NTM: variants seen among roughly 807,000 people sequenced by gnomAD.
NTM encodes the protein neurotrimin.
A neutral mutation model predicts 42.1 loss-of-function variants in NTM; 13 were observed. The observed-to-expected ratio is 0.31, with a 90% CI of 0.20 to 0.49. The LOEUF (loss-of-function observed/expected upper bound fraction) is 0.49. Ranked by LOEUF, NTM falls within the 20% of genes least tolerant of loss-of-function variation. NTM has a pLI of 0.99. For missense variants in NTM, 373 were observed against 452.8 expected, an observed-to-expected ratio of 0.82 and a Z score of 1.60; for synonymous variants, 187 against 179.2, an observed-to-expected ratio of 1.04 and a Z score of -0.35.
intron 2 of NTM, among the ~76,000 whole-genome samples, chr11:132,047,082 G>T (rs1256516799): frequency 2.6e-5 from 4 of 152,148 alleles, no homozygotes; most frequent in Admixed American, 2.6e-4. Context: ...ACACAGATCT[G>T]GGATTGGAAT....
intron 1 of NTM, among the ~76,000 whole-genome samples, chr11:131,641,424 C>T (rs2065115701): frequency 6.6e-6 from 1 of 152,200 alleles, no homozygotes; most frequent in Non-Finnish European, 1.5e-5. Flanking sequence ...GGGATCGTCT[C>T]TGGTTGCAGC....
At chr11:131,720,291 GC>G (rs2078180996) in intron 1 of NTM, among the ~76,000 whole-genome samples, 1 of 152,170 alleles carries the variant, frequency 6.6e-6, no homozygotes, top group South Asian at 2.1e-4. Context: ...AAAGCCATAT[GC>G]CTTGATAGAT....
At chr11:132,292,626 A>G (rs956001498) in intron 4 of NTM, among the ~76,000 whole-genome samples, 7 of 151,882 alleles carry the variant, frequency 4.6e-5, no homozygotes, top group African/African-American at 1.7e-4. Flanking sequence ...TGATGTTCCT[A>G]CAGCAGACAC....
At chr11:131,681,613 G>A (rs573179567) in intron 1 of NTM, among the ~76,000 whole-genome samples, 1 of 28,106 alleles carries the variant, frequency 3.6e-5, no homozygotes, top group African/African-American at 6.9e-5. Context: ...GTGTCTGTGC[G>A]TATGTCTCCC....
chr11:131,500,072 C>A (rs374196848), intron 1 of NTM, among the ~76,000 whole-genome samples: 37 of 152,212 alleles, frequency 2.4e-4, no homozygotes, highest in African/African-American at 8.4e-4. Flanking sequence ...AGGTCTCAGG[C>A]TGTATGGACC....
chr11:132,303,891 C>A (rs1053296957), intron 4 of NTM, among the ~76,000 whole-genome samples: 1 of 152,060 alleles, frequency 6.6e-6, no homozygotes, highest in African/African-American at 2.4e-5. Flanking sequence ...CCACTGCACT[C>A]CACGTGTTGT....
intron 1 of NTM, among the ~76,000 whole-genome samples, chr11:131,452,823 G>T (rs1303563415): frequency 1.3e-5 from 2 of 152,140 alleles, no homozygotes; most frequent in Non-Finnish European, 2.9e-5. Flanking sequence ...CTTTGGGTGG[G>T]ATTTTTATCG....
intron 2 of NTM, among the ~76,000 whole-genome samples, chr11:132,075,116 A>G (rs1357576979): frequency 1.3e-5 from 2 of 152,182 alleles, no homozygotes; most frequent in African/African-American, 4.8e-5. Flanking sequence ...GATTCCACTG[A>G]TGTGAGATAT....
At chr11:131,774,195 T>TAAAGGC in intron 1 of NTM, 1 of 823,290 alleles carries the variant, frequency 1.2e-6, no homozygotes, top group Non-Finnish European at 1.5e-6. Context: ...TCCATAGCCT[T>TAAAGGC]TATGAGGCTT....
intron 1 of NTM, among the ~76,000 whole-genome samples, chr11:131,483,537 A>T (rs184986412): frequency 1.3e-5 from 2 of 152,348 alleles, no homozygotes; most frequent in Admixed American, 1.3e-4. Flanking sequence ...AGAGACACTG[A>T]AAGTGGAAAT....
chr11:132,259,417 C>T (rs552975708), intron 4 of NTM, among the ~76,000 whole-genome samples: 12 of 152,028 alleles, frequency 7.9e-5, no homozygotes, highest in Admixed American at 2.6e-4. Context: ...CTTGGTGGCT[C>T]GTGCCTGTAA....
chr11:131,834,988 A>G (rs2043304062), intron 1 of NTM, among the ~76,000 whole-genome samples: 1 of 152,178 alleles, frequency 6.6e-6, no homozygotes, highest in Non-Finnish European at 1.5e-5. Context: ...TTCAACAAAC[A>G]GCTTTAACAT....
intron 1 of NTM, among the ~76,000 whole-genome samples, chr11:131,892,508 A>G (rs1408630191): frequency 6.6e-6 from 1 of 152,222 alleles, no homozygotes; most frequent in African/African-American, 2.4e-5. Context: ...AAAGTAAGGC[A>G]TGCAGTGCTT....
chr11:131,655,316 C>G (rs1432552492), intron 1 of NTM, among the ~76,000 whole-genome samples: 1 of 152,248 alleles, frequency 6.6e-6, no homozygotes, highest in African/African-American at 2.4e-5. Flanking sequence ...TACACCAGAG[C>G]TATCCTTTGT....
intron 2 of NTM, among the ~76,000 whole-genome samples, chr11:131,992,284 A>C (rs553167345): frequency 1.3e-5 from 2 of 152,302 alleles, no homozygotes; most frequent in African/African-American, 4.8e-5. Context: ...TATTATACAA[A>C]TATGATCAAT....
rs114979067 is a variant in NTM at position 132,144,084 on chromosome 11, T to G, written c.168-2198T>G. Among the ~76,000 whole-genome samples the G allele has an allele frequency of 3.2e-3, 482 of 152,366 alleles. 2 individuals carry two copies. The highest frequency in any genetic ancestry group is 0.011 in the African/African-American group (462 of 41,600). ...GAGGAGACCTGAGTTTCTGCATTTCTGATGAGCTCCCACCCAAGTGATGCT... is the reference window on the plus strand; with the variant it reads ...GAGGAGACCTGAGTTTCTGCATTTCGGATGAGCTCCCACCCAAGTGATGCT... On this transcript the variant is annotated intron_variant, in intron 2 of 8. Coordinates refer to ENST00000683400, the MANE Select transcript of NTM (RefSeq NM_001352005.2).
rs114933832 is a variant in NTM at position 131,974,699 on chromosome 11, G to T, written c.167+63051G>T. Among the ~76,000 whole-genome samples, 941 of 152,246 alleles carry T rather than the reference G, an allele frequency of 6.2e-3. 11 individuals carry two copies. The highest frequency in any genetic ancestry group is 0.022 in the African/African-American group (905 of 41,568). ...TGGGTAAGTCACTAAAATGCTCTTT[G>T]CCTTAGTCTTTTCACTTGAAAAATA... is the stretch of plus-strand genomic sequence containing the variant. On this transcript the variant is annotated intron_variant, in intron 2 of 8. Transcript: ENST00000683400.
intron 2 of NTM, among the ~76,000 whole-genome samples, chr11:132,116,422 A>G (rs1046245608): frequency 2.0e-5 from 3 of 152,202 alleles, no homozygotes; most frequent in African/African-American, 7.2e-5. Flanking sequence ...CTGAAGCCAG[A>G]GGGAGAGGAA....
chr11:131,513,897 C>T (rs2048564256), intron 1 of NTM, among the ~76,000 whole-genome samples: 1 of 152,008 alleles, frequency 6.6e-6, no homozygotes, highest in Non-Finnish European at 1.5e-5. Flanking sequence ...GGGTCAGAGC[C>T]CCAGGGGAAG....
Sources: gnomAD v4.1 joint callset for allele counts (sites outside exome capture counted in the v4.1 genomes callset) on GRCh38, gnomAD v4.1.1 for gene constraint, MANE v1.5 for transcripts, NCBI Gene and HGNC (gene_info 2026-07-23, HGNC 2026-07-21) for gene names.